The following KCNMB4 variants were observed in gnomAD, a reference collection of about 807,000 sequenced individuals.
KCNMB4 encodes the protein potassium calcium-activated channel subfamily M regulatory beta subunit 4.
A neutral mutation model predicts 20.7 loss-of-function variants in KCNMB4; 3 were observed. The ratio of observed to expected loss-of-function variants is 0.14; its 90% CI spans 0.07 to 0.37. The LOEUF (loss-of-function observed/expected upper bound fraction) is 0.37, where lower values mean the gene tolerates loss of function less well. KCNMB4 is among the 10% of genes least tolerant of loss of function. The pLI is 1.00. For synonymous variants in KCNMB4, 110 were observed against 113.4 expected (o/e 0.97, Z 0.19); for missense variants, 168 against 265.9 (o/e 0.63, Z 2.56).
chr12:70,377,529 T>C (rs1067539), intron 1 of KCNMB4, among the ~76,000 whole-genome samples: 110,667 of 152,078 alleles, frequency 0.73, 40,870 homozygotes, highest in East Asian at 0.94. Flanking sequence ...ATGTTGATGG[T>C]TGCTGACTAA....
intron 1 of KCNMB4, among the ~76,000 whole-genome samples, chr12:70,387,792 C>T (rs1183076264): frequency 2.0e-5 from 3 of 152,130 alleles, no homozygotes; most frequent in Non-Finnish European, 2.9e-5. Context: ...GAATCTATCC[C>T]CTCAAGCATT....
At chr12:70,428,846 A>T (rs981901364) in intron 2 of KCNMB4, among the ~76,000 whole-genome samples, 1 of 152,202 alleles carries the variant, frequency 6.6e-6, no homozygotes, top group Non-Finnish European at 1.5e-5. Context: ...TTCGTGCTAT[A>T]AGAATTCCAA....
intron 1 of KCNMB4, among the ~76,000 whole-genome samples, chr12:70,375,902 T>C (rs781383953): frequency 9.9e-5 from 15 of 152,182 alleles, no homozygotes; most frequent in Non-Finnish European, 1.9e-4. Context: ...CCTTTTCTTG[T>C]GATGTCTTTG....
At chr12:70,424,889 T>C (rs1244207902) in intron 2 of KCNMB4, among the ~76,000 whole-genome samples, 1 of 152,222 alleles carries the variant, frequency 6.6e-6, no homozygotes. Context: ...TGCTGCTCTC[T>C]TGGCAAGGTC....
intron 2 of KCNMB4, among the ~76,000 whole-genome samples, chr12:70,428,169 T>C (rs1413324095): frequency 6.6e-6 from 1 of 151,936 alleles, no homozygotes; most frequent in Non-Finnish European, 1.5e-5. Flanking sequence ...AGGCATGTAG[T>C]TTTTTGTAGA....
intron 1 of KCNMB4, among the ~76,000 whole-genome samples, chr12:70,398,124 C>A (rs913013168): frequency 6.6e-6 from 1 of 152,132 alleles, no homozygotes; most frequent in African/African-American, 2.4e-5. Context: ...GAAGGACCTA[C>A]CACACTCCTC....
In KCNMB4 at chr12:70,434,204, C is replaced by A. The variant is rs570193176; in HGVS notation, c.*3551C>A. ...CACTCTAAGACGGATAAAAGCCAAA[C>A]CAATTAAGCCGTTTCTCGACCCTCC... On this transcript the variant is annotated 3_prime_UTR_variant, in exon 3 of 3. Transcript: ENST00000258111. 6.6e-6 allele frequency: 1 copy of A among 152,266 alleles called. No homozygotes were observed. Among genetic ancestry groups the A allele is most frequent in the Non-Finnish European group, 1.5e-5 (1 of 68,026 alleles). 9.4% of individuals were successfully genotyped at this position (152,266 alleles called of 1,614,324 possible). A position where few individuals can be genotyped will look rare whatever the true frequency, so the allele number is the denominator to read the frequency against.
intron 1 of KCNMB4, among the ~76,000 whole-genome samples, chr12:70,377,762 A>G (rs761222780): frequency 6.6e-6 from 1 of 152,174 alleles, no homozygotes. Context: ...ATCTAGGTTA[A>G]TTGTTGTCAT....
rs745612813 is a variant in KCNMB4, at chr12:70,430,514, A to G, written c.494A>G (p.His165Arg). 1.2e-6 allele frequency: 2 copies of G among 1,613,120 alleles called. No individual in the cohort carries two copies. The highest frequency in any genetic ancestry group is 2.2e-5 in the South Asian group (2 of 90,772). Residue 165 changes from histidine (H) to arginine (R), a missense_variant, in exon 3 of 3, where the codon CAT (histidine) becomes CGT (arginine). Coordinates refer to ENST00000258111, the MANE Select transcript of KCNMB4 (RefSeq NM_014505.6). ...GATGATGTGCTTCTGCATCGCACTC[A>G]TGATGAGATTGTCCTCCTGCATTGC... is the stretch of plus-strand genomic sequence containing the variant. Reference protein sequence around the residue: ...RPDDVLLHRTHDEIVLLHCFL... With the variant: ...RPDDVLLHRTRDEIVLLHCFL...
chr12:70,427,047 A>G (rs140595471), intron 2 of KCNMB4, among the ~76,000 whole-genome samples: 1 of 152,086 alleles, frequency 6.6e-6, no homozygotes, highest in Admixed American at 6.5e-5. Context: ...TATTGTCCAC[A>G]TATTCTTGTC....
At position 70,430,466 on chromosome 12, in the gene KCNMB4, A is replaced by T. The variant is rs2136145853; in HGVS notation, c.465-19A>T. 6.2e-7 allele frequency: 1 copy of T among 1,611,754 alleles called. No homozygotes were observed. Among genetic ancestry groups the T allele is most frequent in the Middle Eastern group, 1.7e-4 (1 of 6,056 alleles). On this transcript the variant is annotated intron_variant, in intron 2 of 2. Transcript: ENST00000258111. ...GGCATTTGACTGCCCTTTCTTTCTT[A>T]TTCTCCATTGTCTTGCAGACCAGAT...
chr12:70,422,539 C>T (rs912322952), intron 2 of KCNMB4, among the ~76,000 whole-genome samples: 2 of 152,184 alleles, frequency 1.3e-5, no homozygotes, highest in Non-Finnish European at 2.9e-5. Flanking sequence ...TAGAGAATAT[C>T]TAACTAGGTT....
At chr12:70,428,886 T>C (rs1869283204) in intron 2 of KCNMB4, among the ~76,000 whole-genome samples, 1 of 152,242 alleles carries the variant, frequency 6.6e-6, no homozygotes, top group Non-Finnish European at 1.5e-5. Flanking sequence ...GCTGGGATGA[T>C]TGTTGCCTAA....
chr12:70,413,493 A>G (rs1382835706), intron 2 of KCNMB4, among the ~76,000 whole-genome samples: 2 of 152,098 alleles, frequency 1.3e-5, no homozygotes, highest in Non-Finnish European at 2.9e-5. Context: ...CTCCATTTCT[A>G]TCCATGGCTC....
rs199834057 is a variant in KCNMB4 at position 70,431,506 on chromosome 12, A to ATTTTTTTT, written c.*861_*868dup. 1 of 140,578 alleles carries ATTTTTTTT rather than the reference A, an allele frequency of 7.1e-6. No homozygotes were observed. The allele number at this position is 140,578 out of a possible 1,614,324, so 8.7% of individuals were successfully genotyped here. ...TTCAGCTTAGTGAAACGCTGTTTTC[A>ATTTTTTTT]TTTTTTTTTTTTTTTGTAGGTCAGA... On this transcript the variant is annotated 3_prime_UTR_variant, in exon 3 of 3. Coordinates refer to ENST00000258111, the MANE Select transcript of KCNMB4 (RefSeq NM_014505.6).
chr12:70,372,109 C>G (rs1051496533), intron 1 of KCNMB4, among the ~76,000 whole-genome samples: 3 of 152,030 alleles, frequency 2.0e-5, no homozygotes, highest in Admixed American at 1.3e-4. Flanking sequence ...AGAGTGTCCA[C>G]CAGCTGAGGA....
intron 1 of KCNMB4, among the ~76,000 whole-genome samples, chr12:70,383,626 C>T (rs1883834602): frequency 6.6e-6 from 1 of 152,210 alleles, no homozygotes; most frequent in Non-Finnish European, 1.5e-5. Flanking sequence ...GAAAAACACC[C>T]TTCCTTGCCT....
intron 1 of KCNMB4, among the ~76,000 whole-genome samples, chr12:70,374,974 A>G (rs1883660062): frequency 6.6e-6 from 1 of 152,212 alleles, no homozygotes; most frequent in Admixed American, 6.5e-5. Context: ...TTATTTTAAA[A>G]TAGACCTAAA....
intron 2 of KCNMB4, among the ~76,000 whole-genome samples, chr12:70,410,802 C>CA (rs569688767): frequency 2.6e-5 from 4 of 150,986 alleles, no homozygotes; most frequent in Non-Finnish European, 5.9e-5. Flanking sequence ...AACAACAACA[C>CA]AAAAAAAAGG....
Sources: allele counts gnomAD v4.1 joint callset (sites outside exome capture counted in the v4.1 genomes callset), GRCh38; gene constraint gnomAD v4.1.1; transcripts MANE v1.5; gene names NCBI Gene and HGNC (gene_info 2026-07-23, HGNC 2026-07-21).